Variants in FAM149A observed in about 807,000 individuals in gnomAD.
FAM149A encodes family with sequence similarity 149 member A.
In FAM149A, 71 loss-of-function variants were observed where a neutral mutation model predicts 78.2. The observed-to-expected ratio is 0.91, with a 90% CI of 0.75 to 1.11. The LOEUF (loss-of-function observed/expected upper bound fraction) is 1.11, where lower values mean the gene tolerates loss of function less well. Among genes scored for constraint, FAM149A ranks in the 50% least tolerant of loss-of-function variants. The pLI is 0.00. For synonymous variants in FAM149A, 446 were observed against 410.5 expected (o/e 1.09, Z -1.04); for missense variants, 1,036 against 971.0 (o/e 1.07, Z -0.89).
chr4:186,154,835 TGTTCA>T, intron 6 of FAM149A, 197 bp downstream of exon 6: 10 of 985,348 alleles, frequency 1.0e-5, no homozygotes, highest in Non-Finnish European at 1.2e-5. Flanking sequence ...GCGAAGAGGG[TGTTCA>T]GTGCCCTTGT....
chr4:186,155,027 A>G (rs769481352), intron 6 of FAM149A: 3 of 759,614 alleles, frequency 3.9e-6, no homozygotes, highest in South Asian at 1.2e-4. Flanking sequence ...CAGCCGTGCG[A>G]GCTCGGCTGA....
At chr4:186,119,606 C>T (rs1324193870) in intron 1 of FAM149A, among the ~76,000 whole-genome samples, 1 of 152,124 alleles carries the variant, frequency 6.6e-6, no homozygotes, top group Admixed American at 6.6e-5. Context: ...TCTTTATAAC[C>T]ATAACTTGAA....
chr4:186,119,607 A>G (rs1393730589), intron 1 of FAM149A, among the ~76,000 whole-genome samples: 2 of 152,224 alleles, frequency 1.3e-5, no homozygotes, highest in Non-Finnish European at 2.9e-5. Flanking sequence ...CTTTATAACC[A>G]TAACTTGAAA....
At chr4:186,125,491 G>A (rs1203822128) in intron 1 of FAM149A, 7 of 379,286 alleles carry the variant, frequency 1.8e-5, no homozygotes, top group Admixed American at 6.4e-5. Context: ...TAGTCCGTCC[G>A]TCAGCCAGCC....
intron 1 of FAM149A, among the ~76,000 whole-genome samples, chr4:186,111,882 CTTTTT>C (rs1441045592): frequency 6.6e-6 from 1 of 151,764 alleles, no homozygotes; most frequent in African/African-American, 2.4e-5. Flanking sequence ...GATGTGGGCT[CTTTTT>C]TGCTTCCATA....
chr4:186,153,517 T>C, intron 4 of FAM149A, 128 bp from the exon 5 acceptor site: 1 of 1,480,384 alleles, frequency 6.8e-7, no homozygotes, highest in African/African-American at 1.4e-5. Context: ...TGCGTGATGC[T>C]TCCCACGTTC....
At chr4:186,155,789 AAAAG>A (rs887065976) in intron 6 of FAM149A, among the ~76,000 whole-genome samples, 1 of 152,196 alleles carries the variant, frequency 6.6e-6, no homozygotes, top group African/African-American at 2.4e-5. Context: ...ACTAGAAAAA[AAAAG>A]AAAGATCAAT....
intron 10 of FAM149A, among the ~76,000 whole-genome samples, chr4:186,163,979 T>A (rs1018519783): frequency 2.2e-4 from 34 of 152,178 alleles, no homozygotes; most frequent in African/African-American, 8.2e-4. Flanking sequence ...AATAAAATAA[T>A]GTATATAAAA....
chr4:186,154,597 TG>T lies in FAM149A; in HGVS notation c.1190del (p.Gly397GlufsTer61). ...TGGAAGAAGAGGTTTACCATGTGGATGGAAAGATTGAGGAGTATTTCGCTTT... is the reference window on the plus strand; with the variant it reads ...TGGAAGAAGAGGTTTACCATGTGGATGAAAGATTGAGGAGTATTTCGCTTT... On this transcript the variant is annotated frameshift_variant, in exon 6 of 14. Transcript: ENST00000389354. LOFTEE classifies it high-confidence loss of function. 1 of 1,614,140 alleles carries T rather than the reference TG, an allele frequency of 6.2e-7. No homozygotes were observed. The highest frequency in any genetic ancestry group is 8.5e-7 in the Non-Finnish European group (1 of 1,180,032).
chr4:186,165,503 G>A (rs767382632), intron 11 of FAM149A, 39 bp downstream of exon 11: 2 of 1,608,144 alleles, frequency 1.2e-6, no homozygotes, highest in Non-Finnish European at 1.7e-6. Flanking sequence ...GACCATTTAG[G>A]TTCTGTATTG....
chr4:186,127,098 C>T (rs2126327694), intron 1 of FAM149A: 1 of 985,248 alleles, frequency 1.0e-6, no homozygotes, highest in South Asian at 4.7e-5. Flanking sequence ...TCTGAGAAGC[C>T]CTGCCTTCCT....
chr4:186,110,427 G>A (rs2099310752), intron 1 of FAM149A: 1 of 647,070 alleles, frequency 1.5e-6, no homozygotes, highest in African/African-American at 2.0e-5. Flanking sequence ...AAGTTTTAGG[G>A]TACATGTGCA....
At chr4:186,137,189 A>G (rs1275154719) in intron 1 of FAM149A, among the ~76,000 whole-genome samples, 1 of 152,152 alleles carries the variant, frequency 6.6e-6, no homozygotes, top group Non-Finnish European at 1.5e-5. Flanking sequence ...TTTTAAAGCT[A>G]GACTGGACTG....
intron 1 of FAM149A, among the ~76,000 whole-genome samples, chr4:186,139,056 T>C (rs1212110129): frequency 6.6e-6 from 1 of 152,246 alleles, no homozygotes; most frequent in Non-Finnish European, 1.5e-5. Context: ...CATAGAAATG[T>C]ATTTTGTACT....
chr4:186,145,811 CAA>C (rs1732994696), intron 1 of FAM149A, among the ~76,000 whole-genome samples: 1 of 152,136 alleles, frequency 6.6e-6, no homozygotes, highest in Non-Finnish European at 1.5e-5. Context: ...CCACCATATT[CAA>C]GTTTTAAAAT....
At chr4:186,163,694 T>C (rs998240889) in intron 10 of FAM149A, 61 bp downstream of exon 10, 1 of 1,247,654 alleles carries the variant, frequency 8.0e-7, no homozygotes, top group African/African-American at 1.5e-5. Context: ...GCTTCTCAGT[T>C]AGGGTTTATG....
chr4:186,123,225 T>C, intron 1 of FAM149A: 1 of 985,438 alleles, frequency 1.0e-6, no homozygotes, highest in Non-Finnish European at 1.2e-6. Context: ...TGTCCAAATC[T>C]TATTTTTGCA....
chr4:186,139,514 A>G (rs569375274), intron 1 of FAM149A, among the ~76,000 whole-genome samples: 2 of 152,300 alleles, frequency 1.3e-5, no homozygotes, highest in South Asian at 4.1e-4. Flanking sequence ...CACAGCTGGA[A>G]GGCACCATCT....
At chr4:186,162,075 ATTAC>A (rs1734648807) in intron 8 of FAM149A, among the ~76,000 whole-genome samples, 2 of 152,218 alleles carry the variant, frequency 1.3e-5, no homozygotes, top group African/African-American at 4.8e-5. Flanking sequence ...GGAGTTAAGA[ATTAC>A]TTAGCCCTTA....
Sources: allele counts gnomAD v4.1 joint callset (sites outside exome capture counted in the v4.1 genomes callset), GRCh38; gene constraint gnomAD v4.1.1; transcripts MANE v1.5; gene names NCBI Gene and HGNC (gene_info 2026-07-23, HGNC 2026-07-21).